The following DNAH9 variants were observed in gnomAD, a reference collection of about 807,000 sequenced individuals.
DNAH9 encodes the protein dynein axonemal heavy chain 9.
Under a neutral mutation model 471.6 loss-of-function variants are expected in DNAH9, and 345 were observed. The ratio of observed to expected loss-of-function variants is 0.73; its 90% CI spans 0.67 to 0.80. The LOEUF is 0.80. Ranked by LOEUF, DNAH9 falls within the 30% of genes least tolerant of loss-of-function variation. The probability of loss-of-function intolerance (pLI) is 0.00; values close to 1 mark genes in which losing one functional copy is unlikely to be tolerated. For missense variants in DNAH9, 5,407 were observed against 5,609.2 expected (o/e 0.96, Z 1.15); for synonymous variants, 2,093 against 2,123.6 (o/e 0.99, Z 0.40).
chr17:11,916,049 T>A (rs1197060841), intron 61 of DNAH9, among the ~76,000 whole-genome samples: 1 of 152,256 alleles, frequency 6.6e-6, no homozygotes, highest in African/African-American at 2.4e-5. Flanking sequence ...AAGTTATTCC[T>A]GACTTTCACA....
chr17:11,720,492 G>C (rs542299089), intron 27 of DNAH9, among the ~76,000 whole-genome samples: 88 of 151,952 alleles, frequency 5.8e-4, no homozygotes, highest in Middle Eastern at 3.4e-3. Context: ...ATGTGTTTTT[G>C]TAAACTGCCT....
At chr17:11,698,213 A>ATT (rs2074519351) in intron 22 of DNAH9, among the ~76,000 whole-genome samples, 1 of 24,062 alleles carries the variant, frequency 4.2e-5, no homozygotes, top group Non-Finnish European at 1.1e-4. Flanking sequence ...TTAATAATAT[A>ATT]ATTATATTAA....
intron 8 of DNAH9, among the ~76,000 whole-genome samples, chr17:11,633,594 C>A (rs184819445): frequency 6.6e-6 from 1 of 152,170 alleles, no homozygotes; most frequent in African/African-American, 2.4e-5. Context: ...TAATCAATAC[C>A]GTAATTCACA....
intron 26 of DNAH9, among the ~76,000 whole-genome samples, chr17:11,710,010 GA>G (rs1274639014): frequency 1.3e-5 from 2 of 152,056 alleles, no homozygotes; most frequent in Non-Finnish European, 2.9e-5. Context: ...TTTTGCTGGA[GA>G]AAATTTGGAA....
At chr17:11,789,391 A>T (rs1374406541) in intron 41 of DNAH9, among the ~76,000 whole-genome samples, 1 of 152,016 alleles carries the variant, frequency 6.6e-6, no homozygotes, top group Admixed American at 6.5e-5. Flanking sequence ...GACTATTCAG[A>T]TTGTCTATTT....
chr17:11,919,507 A>G (rs1405934105), intron 61 of DNAH9, among the ~76,000 whole-genome samples: 2 of 148,546 alleles, frequency 1.3e-5, no homozygotes, highest in Non-Finnish European at 1.5e-5. Flanking sequence ...AAAAAAAAGA[A>G]AAAAAAAAAA....
chr17:11,704,235 A>G lies in DNAH9; in HGVS notation c.5184A>G (p.Thr1728=), dbSNP rs773734991. Residue 1728 remains threonine, a synonymous_variant, in exon 25 of 69, where the codon ACA becomes ACG. Transcript: ENST00000262442. ...TGACCTGTACTCAGATCTGGTGGAC[A>G]ACAGAAGTGGGCATGGCATTTGCCA... The part of the protein sequence containing the change: ...VALTCTQIWW[T]TEVGMAFARL... 2 of 1,614,190 alleles carry G rather than the reference A, an allele frequency of 1.2e-6. No individual in the cohort carries two copies. The highest frequency in any genetic ancestry group is 1.7e-6 in the Non-Finnish European group (2 of 1,180,026).
Position 11,952,309 on chromosome 17 carries a change from C to CTTTTTTTTTTTT in DNAH9, c.12844-9541_12844-9530dup, listed in dbSNP as rs753276964. Among the ~76,000 whole-genome samples, 6 of 71,086 alleles carry CTTTTTTTTTTTT rather than the reference C, an allele frequency of 8.4e-5. 2 individuals carry two copies. The highest frequency in any genetic ancestry group is 3.1e-4 in the African/African-American group (5 of 16,114). 46.6% of individuals were successfully genotyped at this position (71,086 alleles called of 152,430 possible). On this transcript the variant is annotated intron_variant, in intron 67 of 68. Coordinates refer to ENST00000262442, the MANE Select transcript of DNAH9 (RefSeq NM_001372.4). ...CATGCACCATTACACCCAGCTAATT[C>CTTTTTTTTTTTT]TTTTTTTTTTTTTTTTTTTTTTTTT... is the stretch of plus-strand genomic sequence containing the variant.
intron 61 of DNAH9, among the ~76,000 whole-genome samples, chr17:11,922,499 C>A (rs1460453502): frequency 1.3e-5 from 2 of 152,092 alleles, no homozygotes; most frequent in Non-Finnish European, 1.5e-5. Context: ...AGGGTCATTT[C>A]TTTGTGTTGT....
chr17:11,654,030 A>C (rs2073570277), intron 14 of DNAH9, among the ~76,000 whole-genome samples: 1 of 152,122 alleles, frequency 6.6e-6, no homozygotes, highest in South Asian at 2.1e-4. Flanking sequence ...CCATCAAGCA[A>C]AAAAAGGAAT....
chr17:11,628,028 A>G (rs1382734864), intron 6 of DNAH9, among the ~76,000 whole-genome samples: 1 of 152,166 alleles, frequency 6.6e-6, no homozygotes, highest in East Asian at 1.9e-4. Context: ...CATCGGTGTC[A>G]TGGTGCACCC....
chr17:11,918,016 C>T (rs1974010274), intron 61 of DNAH9, among the ~76,000 whole-genome samples: 1 of 152,146 alleles, frequency 6.6e-6, no homozygotes, highest in East Asian at 1.9e-4. Context: ...GCTGTGTATC[C>T]CGCCTTTGTC....
In DNAH9 at chr17:11,821,961, A is replaced by G. The variant is rs748223512; in HGVS notation, c.8749A>G (p.Ile2917Val). ...DLYSDDEVEN[I>V]ISNVRNEVKS... ...CTACTCTGATGATGAAGTTGAAAAC[A>G]TCATAAGCAATGTGAGGAATGAAGT... is the stretch of plus-strand genomic sequence containing the variant. The change falls in exon 46 of 69, where the codon ATC becomes GTC. Residue 2917 changes from isoleucine (I) to valine (V), a missense_variant. Ile to Val is a conservative substitution (Grantham distance 29). Coordinates refer to ENST00000262442, the MANE Select transcript of DNAH9 (RefSeq NM_001372.4). 1.9e-6 allele frequency: 3 copies of G among 1,614,056 alleles called. No homozygotes were observed. In the East Asian group the frequency reaches 6.7e-5, roughly 36 times the overall value.
At position 11,969,244 on chromosome 17, in the gene DNAH9, G is replaced by C. The variant is rs1977001383; in HGVS notation, c.13234-56G>C. Reference sequence around the variant, plus strand: ...TGGATCTGCTGACAAGAGCAAGGCTGGTTGGCTGGGCTCTGGGTCTGATCT... The same window carrying C: ...TGGATCTGCTGACAAGAGCAAGGCTCGTTGGCTGGGCTCTGGGTCTGATCT... On this transcript the variant is annotated intron_variant, in intron 68 of 68. Transcript: ENST00000262442. The C allele has an allele frequency of 2.8e-5, 42 of 1,496,528 alleles. No homozygotes were observed. In the South Asian group the frequency reaches 4.6e-4, roughly 16 times the overall value. The allele number at this position is 1,496,528 out of a possible 1,614,324, so 92.7% of individuals were successfully genotyped here.
intron 50 of DNAH9, among the ~76,000 whole-genome samples, chr17:11,858,182 A>G (rs76592504): frequency 0.047 from 7,188 of 152,302 alleles, 241 homozygotes; most frequent in Non-Finnish European, 0.077. Context: ...TAATAGTAAG[A>G]ACAAAGGAGG....
chr17:11,737,288 A>C (rs570085733), intron 28 of DNAH9, among the ~76,000 whole-genome samples: 9 of 152,336 alleles, frequency 5.9e-5, no homozygotes, highest in South Asian at 4.1e-4. Flanking sequence ...TGTACTCTGG[A>C]GACAGCCGTG....
chr17:11,762,796 T>TTTTTTTTC (rs1555584732), intron 35 of DNAH9, among the ~76,000 whole-genome samples: 1 of 144,594 alleles, frequency 6.9e-6, no homozygotes, highest in Non-Finnish European at 1.5e-5. Context: ...TTTTTTTTTT[T>TTTTTTTTC]TGAGATGGAG....
intron 9 of DNAH9, among the ~76,000 whole-genome samples, chr17:11,638,548 C>A (rs975632509): frequency 4.6e-5 from 7 of 152,126 alleles, no homozygotes; most frequent in African/African-American, 1.7e-4. Context: ...CGAGGCCCGG[C>A]TAATTTTTTT....
At chr17:11,940,685 A>G (rs967627789) in intron 66 of DNAH9, among the ~76,000 whole-genome samples, 3 of 152,290 alleles carry the variant, frequency 2.0e-5, no homozygotes, top group African/African-American at 2.4e-5. Context: ...CATCCTTTAC[A>G]CTTATATAGT....
Sources: allele counts gnomAD v4.1 joint callset (sites outside exome capture counted in the v4.1 genomes callset), GRCh38; gene constraint gnomAD v4.1.1; transcripts MANE v1.5; gene names NCBI Gene and HGNC (gene_info 2026-07-23, HGNC 2026-07-21).